Variants in PARG observed in about 807,000 individuals in gnomAD.
PARG encodes mitochondrial poly(ADP-ribose) glycohydrolase.
A neutral mutation model predicts 113.0 loss-of-function variants in PARG; 35 were observed. The ratio of observed to expected loss-of-function variants is 0.31; its 90% CI spans 0.24 to 0.41. PARG has a LOEUF of 0.41. PARG is among the 10% of genes least tolerant of loss of function. PARG has a pLI of 1.00. For synonymous variants in PARG, 330 were observed against 409.9 expected (o/e 0.81, Z 2.36); for missense variants, 797 against 1,169.4 (o/e 0.68, Z 4.64).
At chr10:49,896,247 A>G (rs1425774713) in intron 7 of PARG, among the ~76,000 whole-genome samples, 4 of 152,072 alleles carry the variant, frequency 2.6e-5, no homozygotes, top group African/African-American at 4.8e-5. Context: ...TCTTTAACAG[A>G]TTGAGGACAT....
intron 16 of PARG, among the ~76,000 whole-genome samples, chr10:49,827,110 G>A (rs1280818790): frequency 2.0e-5 from 3 of 152,150 alleles, no homozygotes; most frequent in East Asian, 1.9e-4. Context: ...GAACTTTTCT[G>A]GTGGAAGGGA....
intron 7 of PARG, among the ~76,000 whole-genome samples, chr10:49,894,057 T>TG (rs1431874806): frequency 6.6e-6 from 1 of 151,926 alleles, no homozygotes; most frequent in Non-Finnish European, 1.5e-5. Context: ...ATTGAACTCC[T>TG]GGGCTCAAGC....
intron 17 of PARG, among the ~76,000 whole-genome samples, chr10:49,819,760 T>C (rs1843977273): frequency 6.6e-6 from 1 of 152,192 alleles, no homozygotes; most frequent in South Asian, 2.1e-4. Context: ...TTATGCACTG[T>C]CATGGCAGCC....
At chr10:49,852,845 G>C (rs1286455041) in intron 13 of PARG, among the ~76,000 whole-genome samples, 3 of 149,930 alleles carry the variant, frequency 2.0e-5, no homozygotes, top group African/African-American at 7.4e-5. Context: ...GATTACAGGG[G>C]TGAGCCACCT....
chr10:49,829,510 T>C lies in PARG; in HGVS notation c.2647+3293A>G, dbSNP rs113737200. 3.9e-3 allele frequency among the ~76,000 whole-genome samples: 591 copies of C among 152,254 alleles called. 7 individuals carry two copies. Among genetic ancestry groups the C allele is most frequent in the African/African-American group, 0.014 (571 of 41,556 alleles). ...ATTTTTTTGTTACAAAAACAATATA[T>C]GCTCACAATAAAAAAGATGCAGATT... is the stretch of plus-strand genomic sequence containing the variant. On this transcript the variant is annotated intron_variant, in intron 16 of 17. Coordinates refer to ENST00000616448, the MANE Select transcript of PARG (RefSeq NM_003631.5).
intron 2 of PARG, among the ~76,000 whole-genome samples, chr10:49,934,848 C>CAA (rs1227382933): frequency 7.7e-6 from 1 of 129,168 alleles, no homozygotes; most frequent in East Asian, 2.2e-4. Context: ...GACTCCATCT[C>CAA]AAAAAAAAAA....
chr10:49,837,820 A>G (rs1468842257), intron 15 of PARG, among the ~76,000 whole-genome samples: 8 of 152,220 alleles, frequency 5.3e-5, no homozygotes, highest in African/African-American at 1.7e-4. Flanking sequence ...GCCCTGAACT[A>G]GGTGCTTTCT....
chr10:49,921,539 A>G (rs1756352114), intron 6 of PARG, among the ~76,000 whole-genome samples: 1 of 152,094 alleles, frequency 6.6e-6, no homozygotes, highest in Non-Finnish European at 1.5e-5. Context: ...AAAGAAAAAA[A>G]ACAGGAGCTA....
At chr10:49,839,752 T>C (rs1845132787) in intron 15 of PARG, among the ~76,000 whole-genome samples, 2 of 152,230 alleles carry the variant, frequency 1.3e-5, no homozygotes, top group Admixed American at 6.5e-5. Context: ...CTAGTTCTCA[T>C]AGAAAAGTAT....
intron 10 of PARG, among the ~76,000 whole-genome samples, chr10:49,865,825 T>C (rs556626679): frequency 6.6e-6 from 1 of 150,816 alleles, no homozygotes; most frequent in Non-Finnish European, 1.5e-5. Context: ...TAACCCTACA[T>C]TCAAAGACTG....
In PARG at chr10:49,893,496, G is replaced by T. The variant is rs2164366; in HGVS notation, c.1738-8201C>A. Among the ~76,000 whole-genome samples, 850 of 151,418 alleles carry T rather than the reference G, an allele frequency of 5.6e-3. 2 individuals are homozygous for T. The highest frequency in any genetic ancestry group is 0.015 in the African/African-American group (620 of 41,140). On this transcript the variant is annotated intron_variant, in intron 7 of 17. Transcript: ENST00000616448. The stretch of plus-strand genomic sequence containing the variant: ...CAGATAAACATTTTGCAAATATTTC[G>T]CCGTCTTTTAAAATTTATTTATTTC...
At chr10:49,866,001 T>A (rs1362986580) in intron 10 of PARG, among the ~76,000 whole-genome samples, 1 of 136,988 alleles carries the variant, frequency 7.3e-6, no homozygotes, top group Non-Finnish European at 1.6e-5. Flanking sequence ...GAGAAATTAC[T>A]GGTTCTAAGA....
At chr10:49,902,361 G>C (rs1385085293) in intron 7 of PARG, among the ~76,000 whole-genome samples, 3 of 152,130 alleles carry the variant, frequency 2.0e-5, no homozygotes, top group African/African-American at 4.8e-5. Flanking sequence ...GGCATATGAG[G>C]ACCGATGTGG....
chr10:49,938,949 T>C (rs2133008756), intron 1 of PARG, among the ~76,000 whole-genome samples: 1 of 152,318 alleles, frequency 6.6e-6, no homozygotes, highest in South Asian at 2.1e-4. Context: ...ATTGGTGTCC[T>C]GTGCCAGGTA....
At chr10:49,824,780 A>C (rs1844269423) in intron 16 of PARG, among the ~76,000 whole-genome samples, 1 of 152,138 alleles carries the variant, frequency 6.6e-6, no homozygotes. Context: ...TTATTTCCAT[A>C]TTGAAAATAA....
chr10:49,843,584 C>A lies in PARG; in HGVS notation c.2402G>T (p.Trp801Leu). ...EYTGYAETYR[W>L]SRSHEDGSER... ...ACTCCCATCTTCGTGGCTCCGGGAC[C>A]AACGATATGTCTCAGCATAGCCTGT... The change falls in exon 14 of 18, where the codon TGG (tryptophan) becomes TTG (leucine). Residue 801 changes from tryptophan to leucine, a missense_variant. By Grantham distance (61) the Trp-to-Leu change is moderately conservative. Around this residue, in one of 5 missense-constraint regions of PARG, gnomAD observed 194 missense variants for 247.1 expected, o/e 0.79. Coordinates refer to ENST00000616448, the MANE Select transcript of PARG (RefSeq NM_003631.5). The A allele has an allele frequency of 6.4e-7, 1 of 1,550,948 alleles. No individual in the cohort carries two copies. The highest frequency in any genetic ancestry group is 8.7e-7 in the Non-Finnish European group (1 of 1,146,390).
chr10:49,891,594 T>A (rs1313825710), intron 7 of PARG, among the ~76,000 whole-genome samples: 1 of 13,504 alleles, frequency 7.4e-5, no homozygotes, highest in Admixed American at 8.1e-4. Context: ...ATGGTCCATA[T>A]ATATATATAT....
intron 7 of PARG, among the ~76,000 whole-genome samples, chr10:49,888,030 T>G (rs1481104867): frequency 1.3e-5 from 2 of 152,202 alleles, no homozygotes; most frequent in Admixed American, 6.5e-5. Flanking sequence ...TGACTGCATC[T>G]CTTTGAATAG....
chr10:49,940,043 C>T (rs1838947222), intron 1 of PARG, among the ~76,000 whole-genome samples: 1 of 152,178 alleles, frequency 6.6e-6, no homozygotes, highest in African/African-American at 2.4e-5. Context: ...CCTAGGTCAC[C>T]TTTACTTTCT....
Sources: allele counts gnomAD v4.1 joint callset (sites outside exome capture counted in the v4.1 genomes callset), GRCh38; gene constraint gnomAD v4.1.1; regional missense constraint gnomAD v4.1.1; transcripts MANE v1.5; gene names NCBI Gene and HGNC (gene_info 2026-07-23, HGNC 2026-07-21).